ADAM19: variants seen among roughly 807,000 people sequenced by gnomAD.
ADAM19 encodes disintegrin and metalloproteinase domain-containing protein 19.
Under a neutral mutation model 114.7 loss-of-function variants are expected in ADAM19, and 65 were observed. The ratio of observed to expected loss-of-function variants is 0.57; its 90% CI spans 0.46 to 0.70. The LOEUF (loss-of-function observed/expected upper bound fraction) is 0.70. Among genes scored for constraint, ADAM19 ranks in the 30% least tolerant of loss-of-function variants. ADAM19 has a pLI of 0.00. For missense variants in ADAM19, 1,063 were observed against 1,204.7 expected (o/e 0.88, Z 1.74); for synonymous variants, 466 against 460.5 (o/e 1.01, Z -0.15).
intron 9 of ADAM19, among the ~76,000 whole-genome samples, chr5:157,507,799 C>T (rs1281928361): frequency 6.6e-6 from 1 of 152,128 alleles, no homozygotes; most frequent in Non-Finnish European, 1.5e-5. Flanking sequence ...TGAATACATC[C>T]CTCTTTCAGT....
chr5:157,518,326 C>CGGGGGGAGGGGGG (rs1756154966), intron 7 of ADAM19, among the ~76,000 whole-genome samples: 1 of 34,266 alleles, frequency 2.9e-5, no homozygotes, highest in Non-Finnish European at 5.8e-5. Flanking sequence ...GAGGAAGGGG[C>CGGGGGGAGGGGGG]GGGGGGAGTT....
At chr5:157,481,643 A>C (rs961086437) in intron 22 of ADAM19, 148 bp downstream of exon 22, 9 of 1,551,204 alleles carry the variant, frequency 5.8e-6, no homozygotes, top group Non-Finnish European at 7.8e-6. Context: ...GGCACCAAGA[A>C]ACATGAATGT....
intron 5 of ADAM19, among the ~76,000 whole-genome samples, 179 bp from the exon 6 acceptor site, chr5:157,520,210 T>C (rs1157999380): frequency 6.6e-6 from 1 of 152,106 alleles, no homozygotes; most frequent in Non-Finnish European, 1.5e-5. Flanking sequence ...ACACTTCCTC[T>C]CTAGAGGAAT....
chr5:157,562,559 A>G (rs1217633342), intron 3 of ADAM19, among the ~76,000 whole-genome samples: 3 of 152,214 alleles, frequency 2.0e-5, no homozygotes, highest in Non-Finnish European at 2.9e-5. Flanking sequence ...ATAAACAAGG[A>G]CACCGAAGTT....
intron 19 of ADAM19, among the ~76,000 whole-genome samples, chr5:157,490,104 G>A (rs568970781): frequency 6.6e-6 from 1 of 152,342 alleles, no homozygotes; most frequent in South Asian, 2.1e-4. Flanking sequence ...GAACTCAGGA[G>A]TGATGACCAG....
chr5:157,513,004 G>A (rs1298177074), intron 8 of ADAM19, among the ~76,000 whole-genome samples: 4 of 152,218 alleles, frequency 2.6e-5, no homozygotes, highest in Admixed American at 6.5e-5. Context: ...CAAGCTGCTC[G>A]GGAGCCACTG....
At chr5:157,498,728 A>G (rs1164763584) in intron 13 of ADAM19, among the ~76,000 whole-genome samples, 2 of 150,324 alleles carry the variant, frequency 1.3e-5, no homozygotes, top group East Asian at 2.0e-4. Flanking sequence ...GGATAATTAC[A>G]TATGTCCGCA....
At chr5:157,497,341 A>C (rs758837500) in intron 13 of ADAM19, among the ~76,000 whole-genome samples, 18 of 152,226 alleles carry the variant, frequency 1.2e-4, no homozygotes, top group Non-Finnish European at 2.4e-4. Flanking sequence ...GAGGCAAGAA[A>C]TAATACCTAT....
chr5:157,543,152 G>A (rs57815709), intron 3 of ADAM19, among the ~76,000 whole-genome samples: 5 of 152,140 alleles, frequency 3.3e-5, no homozygotes, highest in South Asian at 4.2e-4. Flanking sequence ...ACACAAATAC[G>A]TCTTAGTTTC....
intron 5 of ADAM19, among the ~76,000 whole-genome samples, chr5:157,525,402 G>A (rs892177798): frequency 6.6e-6 from 1 of 152,150 alleles, no homozygotes; most frequent in African/African-American, 2.4e-5. Flanking sequence ...TTCCAACACA[G>A]AAGGAAGCTT....
At chr5:157,520,324 G>A (rs929153543) in intron 5 of ADAM19, among the ~76,000 whole-genome samples, 5 of 132,450 alleles carry the variant, frequency 3.8e-5, no homozygotes, top group African/African-American at 1.4e-4. Flanking sequence ...TGAGACTCCA[G>A]GTTAAAAGTC....
chr5:157,507,905 A>G (rs1056484926), intron 9 of ADAM19, among the ~76,000 whole-genome samples: 6 of 152,180 alleles, frequency 3.9e-5, no homozygotes, highest in African/African-American at 1.2e-4. Flanking sequence ...CTATATGGAA[A>G]TTCATTATGT....
In ADAM19 at chr5:157,571,997, T is replaced by A. The variant is rs566998012; in HGVS notation, c.95-1017A>T. The stretch of plus-strand genomic sequence containing the variant: ...AGCTTCCTAATGGCAAGTTTACATT[T>A]GTATTCCACTTTCTACTTCCCAAAT... On this transcript the variant is annotated intron_variant, in intron 1 of 22. Coordinates refer to ENST00000257527, the MANE Select transcript of ADAM19 (RefSeq NM_033274.5). Among the ~76,000 whole-genome samples, 5 of 152,400 alleles carry A rather than the reference T, an allele frequency of 3.3e-5. No individual in the cohort carries two copies. The East Asian group carries it at 9.6e-4, about 29-fold the overall frequency.
At position 157,509,430 on chromosome 5, in the gene ADAM19, C is replaced by T. The variant is rs1324035648; in HGVS notation, c.776G>A (p.Gly259Asp). 6.2e-7 allele frequency: 1 copy of T among 1,610,030 alleles called. No homozygotes were observed. Among genetic ancestry groups the T allele is most frequent in the Admixed American group, 1.7e-5 (1 of 59,660 alleles). The change falls in exon 9 of 23, where the codon GGC becomes GAC. Residue 259 changes from glycine (G) to aspartate (D), a missense_variant. By Grantham distance (94) the Gly-to-Asp change is moderately conservative. Around this residue, in one of 3 missense-constraint regions of ADAM19, gnomAD observed 615 missense variants for 706.3 expected, o/e 0.87. Coordinates refer to ENST00000257527, the MANE Select transcript of ADAM19 (RefSeq NM_033274.5). ...RSLNIRIALV[G>D]LEVWTHGNMC... is the part of the protein sequence containing the mutation. ...GTTCCCGTGGGTCCACACTTCCAAG[C>T]CCACGAGAGCAATCCGGATGTTCAA...
chr5:157,488,584 C>G (rs1454002502), intron 20 of ADAM19, 95 bp from the exon 21 acceptor site: 9 of 972,752 alleles, frequency 9.3e-6, no homozygotes, highest in African/African-American at 1.6e-5. Flanking sequence ...AAAGGGAGAA[C>G]AGACACACCA....
At chr5:157,497,181 C>T in intron 13 of ADAM19, 92 bp from the exon 14 acceptor site, 2 of 1,166,010 alleles carry the variant, frequency 1.7e-6, no homozygotes, top group Non-Finnish European at 1.1e-6. Flanking sequence ...TCTCATAGAA[C>T]AGAATTTTCC....
intron 14 of ADAM19, among the ~76,000 whole-genome samples, chr5:157,495,960 T>TTTTTGTTG: frequency 1.0e-5 from 1 of 99,750 alleles, no homozygotes; most frequent in African/African-American, 3.6e-5. Context: ...TTTTTTTTTT[T>TTTTTGTTG]GAGATGGTAC....
chr5:157,517,148 A>G (rs1171625880), intron 7 of ADAM19, among the ~76,000 whole-genome samples: 1 of 152,188 alleles, frequency 6.6e-6, no homozygotes, highest in East Asian at 1.9e-4. Context: ...TCCAGTGACT[A>G]ACACTCAAAG....
intron 5 of ADAM19, among the ~76,000 whole-genome samples, chr5:157,524,642 C>T (rs771076639): frequency 1.3e-5 from 2 of 152,196 alleles, no homozygotes; most frequent in African/African-American, 2.4e-5. Flanking sequence ...AAAGGAGTTA[C>T]AGGGAACTCC....
Sources: allele counts gnomAD v4.1 joint callset (sites outside exome capture counted in the v4.1 genomes callset), GRCh38; gene constraint gnomAD v4.1.1; regional missense constraint gnomAD v4.1.1; transcripts MANE v1.5; gene names NCBI Gene and HGNC (gene_info 2026-07-23, HGNC 2026-07-21).